MED15: variants seen among roughly 807,000 people sequenced by gnomAD.
MED15 encodes the protein mediator complex subunit 15, also known as mediator of RNA polymerase II transcription subunit 15.
In MED15, 41 loss-of-function variants were observed where a neutral mutation model predicts 118.7. That is an observed-to-expected ratio of 0.35 (90% CI 0.27 to 0.45). The LOEUF (loss-of-function observed/expected upper bound fraction) is 0.45, where lower values mean the gene tolerates loss of function less well. Ranked by LOEUF, MED15 falls within the 20% of genes least tolerant of loss-of-function variation. MED15 has a pLI of 1.00. For synonymous variants in MED15, 436 were observed against 413.9 expected, an observed-to-expected ratio of 1.05 and a Z score of -0.65; for missense variants, 740 against 1,025.5, an observed-to-expected ratio of 0.72 and a Z score of 3.80.
In MED15 at chr22:20,580,536, C is replaced by G. The variant is rs534634174; in HGVS notation, c.1273-2075C>G. Among the ~76,000 whole-genome samples the G allele has an allele frequency of 7.8e-4, 119 of 152,248 alleles. 1 individual carries two copies. The highest frequency in any genetic ancestry group is 4.4e-5 in the Non-Finnish European group (3 of 68,026). On this transcript the variant is annotated intron_variant, in intron 9 of 17. Coordinates refer to ENST00000263205, the MANE Select transcript of MED15 (RefSeq NM_001003891.3). Reference sequence around the variant, plus strand: ...CAGGAAGAGAGGTGAGCTTGTGAGACAGCTTTCTGGGGTGCAGGTAGAGAG... The same window carrying G: ...CAGGAAGAGAGGTGAGCTTGTGAGAGAGCTTTCTGGGGTGCAGGTAGAGAG...
Position 20,585,155 on chromosome 22 carries a change from C to T in MED15, c.2019C>T (p.Ser673=). ...KRRLEDDERQ[S]IPSVLQGEVA... ...GGCTTGAGGATGATGAGCGGCAGAGCATCCCCAGTGTGCTCCAGGGTGAGG... is the reference window on the plus strand; with the variant it reads ...GGCTTGAGGATGATGAGCGGCAGAGTATCCCCAGTGTGCTCCAGGGTGAGG... Residue 673 remains serine (S), a synonymous_variant, in exon 16 of 18, where the codon AGC becomes AGT. Transcript: ENST00000263205. 1 of 1,613,756 alleles carries T rather than the reference C, an allele frequency of 6.2e-7. No homozygotes were observed. The highest frequency in any genetic ancestry group is 8.5e-7 in the Non-Finnish European group (1 of 1,180,000).
Position 20,551,221 on chromosome 22 carries a change from C to T in MED15, c.157-215C>T, listed in dbSNP as rs543559878. Reference sequence around the variant, plus strand: ...GTGGCCGTTGGAGGCTCTCTGTCCCCTTCTTGTTTCTTTGTGCCTGTTATT... The same window carrying T: ...GTGGCCGTTGGAGGCTCTCTGTCCCTTTCTTGTTTCTTTGTGCCTGTTATT... On this transcript the variant is annotated intron_variant, in intron 2 of 17. Coordinates refer to ENST00000263205, the MANE Select transcript of MED15 (RefSeq NM_001003891.3). 1,563 of 694,920 alleles carry T rather than the reference C, an allele frequency of 2.2e-3. 4 individuals carry two copies. Among genetic ancestry groups the T allele is most frequent in the Non-Finnish European group, 3.5e-3 (1,285 of 369,556 alleles). 43.0% of individuals were successfully genotyped at this position (694,920 alleles called of 1,614,324 possible).
Position 20,587,498 on chromosome 22 carries a change from G to C in MED15, c.*794G>C, listed in dbSNP as rs899408125. ...CAGCGGGCCGGGCCATGCAGGGAGCGCCTCCCTATGTTGCCTGCCACTCTG... is the reference window on the plus strand; with the variant it reads ...CAGCGGGCCGGGCCATGCAGGGAGCCCCTCCCTATGTTGCCTGCCACTCTG... On this transcript the variant is annotated 3_prime_UTR_variant, in exon 18 of 18. Coordinates refer to ENST00000263205, the MANE Select transcript of MED15 (RefSeq NM_001003891.3). 2 of 248,590 alleles carry C rather than the reference G, an allele frequency of 8.0e-6. No individual in the cohort carries two copies. The highest frequency in any genetic ancestry group is 1.6e-5 in the Non-Finnish European group (2 of 127,910). The allele number at this position is 248,590 out of a possible 1,614,324, so 15.4% of individuals were successfully genotyped here.
intron 9 of MED15, among the ~76,000 whole-genome samples, chr22:20,581,250 C>T (rs1394534134): frequency 6.6e-6 from 1 of 152,214 alleles, no homozygotes; most frequent in Non-Finnish European, 1.5e-5. Flanking sequence ...GAGCTTGGTC[C>T]ACGTGGTGCT....
intron 2 of MED15, among the ~76,000 whole-genome samples, chr22:20,545,618 T>C (rs192700158): frequency 6.6e-6 from 1 of 152,286 alleles, no homozygotes; most frequent in African/African-American, 2.4e-5. Context: ...ACATATATTT[T>C]TAATGGAACG....
chr22:20,553,745 G>C (rs1205360274), intron 4 of MED15, among the ~76,000 whole-genome samples: 2 of 151,994 alleles, frequency 1.3e-5, no homozygotes, highest in Non-Finnish European at 2.9e-5. Flanking sequence ...GGTGGCATGC[G>C]TTGTAGTCCC....
At chr22:20,517,016 A>G (rs562640552) in intron 1 of MED15, among the ~76,000 whole-genome samples, 2 of 152,016 alleles carry the variant, frequency 1.3e-5, no homozygotes, top group East Asian at 1.9e-4. Flanking sequence ...CACTGCAGCC[A>G]ACTCCTGGGC....
At chr22:20,565,953 G>A (rs1052252923) in intron 6 of MED15, among the ~76,000 whole-genome samples, 1 of 152,000 alleles carries the variant, frequency 6.6e-6, no homozygotes. Flanking sequence ...GTTGGCCTCG[G>A]GGGGCCCAGA....
At chr22:20,512,758 A>AT (rs953182874) in intron 1 of MED15, among the ~76,000 whole-genome samples, 4,667 of 138,944 alleles carry the variant, frequency 0.034, 214 homozygotes, top group African/African-American at 0.1. Context: ...CGCCCAGCTA[A>AT]TTTTTTTTTT....
At chr22:20,523,274 G>A (rs996543957) in intron 1 of MED15, among the ~76,000 whole-genome samples, 1 of 152,074 alleles carries the variant, frequency 6.6e-6, no homozygotes, top group Non-Finnish European at 1.5e-5. Flanking sequence ...GGACCTGCAT[G>A]CTCACAGCCC....
chr22:20,554,878 A>G, intron 4 of MED15, 58 bp from the exon 5 acceptor site: 1 of 1,500,288 alleles, frequency 6.7e-7, no homozygotes, highest in Non-Finnish European at 9.0e-7. Flanking sequence ...ACGCCCTTTG[A>G]GCCATGGTCA....
chr22:20,570,675 G>A (rs1320828758), intron 8 of MED15, among the ~76,000 whole-genome samples: 4 of 150,116 alleles, frequency 2.7e-5, no homozygotes, highest in Admixed American at 6.6e-5. Flanking sequence ...ATAGGCATGA[G>A]CCATCGCACC....
rs562911038 is a variant in MED15, at chr22:20,511,603, G to A, written c.68+3857G>A. Among the ~76,000 whole-genome samples the A allele has an allele frequency of 2.0e-5, 3 of 152,140 alleles. No homozygotes were observed. In the East Asian group the frequency reaches 5.8e-4, roughly 29 times the overall value. On this transcript the variant is annotated intron_variant, in intron 1 of 17. Transcript: ENST00000263205. The stretch of plus-strand genomic sequence containing the variant: ...GAACAATGCCCCAGAGCATGAGCTG[G>A]TATATAGTCTAGTCTCCTGGCTCCC...
intron 11 of MED15, 48 bp from the exon 12 acceptor site, chr22:20,583,065 C>G: frequency 6.4e-7 from 1 of 1,558,596 alleles, no homozygotes; most frequent in South Asian, 1.2e-5. Context: ...GCTCAAGTTC[C>G]CCACCCGAGG....
At position 20,550,223 on chromosome 22, in the gene MED15, C is replaced by G. The variant is rs111880442; in HGVS notation, c.157-1213C>G. 1.9e-4 allele frequency among the ~76,000 whole-genome samples: 29 copies of G among 152,296 alleles called. 1 individual carries two copies. Among genetic ancestry groups the G allele is most frequent in the African/African-American group, 7.0e-4 (29 of 41,560 alleles). On this transcript the variant is annotated intron_variant, in intron 2 of 17. Coordinates refer to ENST00000263205, the MANE Select transcript of MED15 (RefSeq NM_001003891.3). ...ACAGGCTGCCTGTGGGCCCCCTTCA[C>G]ACGCACATCAGCTTTCCTATCAGTA... is the stretch of plus-strand genomic sequence containing the variant.
At chr22:20,572,529 C>G (rs2056697593) in intron 8 of MED15, among the ~76,000 whole-genome samples, 1 of 152,238 alleles carries the variant, frequency 6.6e-6, no homozygotes, top group Admixed American at 6.5e-5. Flanking sequence ...CTGTGCACAC[C>G]TGGTTCTCTT....
chr22:20,565,919 C>T (rs2056420136), intron 6 of MED15, among the ~76,000 whole-genome samples: 1 of 150,866 alleles, frequency 6.6e-6, no homozygotes, highest in Non-Finnish European at 1.5e-5. Flanking sequence ...TTGGTGCCTC[C>T]CCGGTGTCAG....
intron 9 of MED15, among the ~76,000 whole-genome samples, chr22:20,577,012 C>T (rs186078350): frequency 1.3e-5 from 2 of 152,268 alleles, no homozygotes; most frequent in African/African-American, 4.8e-5. Flanking sequence ...TTTCAGTGTG[C>T]GATATGTGCC....
intron 13 of MED15, 110 bp downstream of exon 13, chr22:20,583,503 G>C (rs919778772): frequency 3.7e-6 from 5 of 1,358,094 alleles, no homozygotes; most frequent in Non-Finnish European, 5.2e-6. Context: ...GCAGCTCTTT[G>C]GACCCTGGCC....
Sources: gnomAD v4.1 joint callset for allele counts (sites outside exome capture counted in the v4.1 genomes callset) on GRCh38, gnomAD v4.1.1 for gene constraint, MANE v1.5 for transcripts, NCBI Gene and HGNC (gene_info 2026-07-23, HGNC 2026-07-21) for gene names.